Variants in ZBTB40 observed in about 807,000 individuals in gnomAD.
ZBTB40 encodes the protein zinc finger and BTB domain containing 40.
In ZBTB40, 60 loss-of-function variants were observed where a neutral mutation model predicts 117.5. The ratio of observed to expected loss-of-function variants is 0.51; its 90% CI spans 0.41 to 0.63. The LOEUF (loss-of-function observed/expected upper bound fraction) is 0.63. ZBTB40 is among the 30% of genes least tolerant of loss of function. The probability of loss-of-function intolerance (pLI) is 0.00; values close to 1 mark genes in which losing one functional copy is unlikely to be tolerated. For missense variants in ZBTB40, 1,287 were observed against 1,498.5 expected (o/e 0.86, Z 2.33); for synonymous variants, 525 against 577.1 (o/e 0.91, Z 1.29).
intron 17 of ZBTB40, 33 bp downstream of exon 17, chr1:22,524,477 C>T (rs375458916): frequency 1.6e-5 from 25 of 1,603,536 alleles, no homozygotes; most frequent in Non-Finnish European, 2.0e-5. Flanking sequence ...CATTAGAATG[C>T]TAATGCATGG....
intron 1 of ZBTB40, among the ~76,000 whole-genome samples, chr1:22,430,611 A>G (rs1429869638): frequency 6.6e-6 from 1 of 150,708 alleles, no homozygotes; most frequent in Admixed American, 6.6e-5. Context: ...GGCTGGAACT[A>G]CAGGTGCATG....
intron 1 of ZBTB40, among the ~76,000 whole-genome samples, chr1:22,489,407 G>C (rs1347462415): frequency 6.6e-6 from 1 of 152,088 alleles, no homozygotes; most frequent in African/African-American, 2.4e-5. Context: ...GATGACCTCC[G>C]TCCCTTGTTA....
intron 1 of ZBTB40, among the ~76,000 whole-genome samples, chr1:22,475,454 G>C (rs1417550746): frequency 3.9e-5 from 6 of 152,174 alleles, no homozygotes; most frequent in Admixed American, 3.9e-4. Context: ...AGCCAGGTGC[G>C]GTGCCAGTTG....
intron 17 of ZBTB40, among the ~76,000 whole-genome samples, chr1:22,524,948 C>A (rs938532871): frequency 6.6e-6 from 1 of 152,200 alleles, no homozygotes; most frequent in South Asian, 2.1e-4. Flanking sequence ...CTCTTTTACT[C>A]TTCTTCCCAT....
chr1:22,460,177 C>T (rs1194252660), intron 1 of ZBTB40, among the ~76,000 whole-genome samples: 4 of 152,068 alleles, frequency 2.6e-5, no homozygotes, highest in African/African-American at 7.2e-5. Context: ...ACAGTTCAGT[C>T]AGAACATATT....
intron 1 of ZBTB40, among the ~76,000 whole-genome samples, chr1:22,441,473 C>CTTTTTTTTTT (rs71020419): frequency 1.8e-4 from 13 of 73,726 alleles, no homozygotes; most frequent in Non-Finnish European, 3.0e-4. Context: ...TATTTGCTTT[C>CTTTTTTTTTT]TTTTTTTTTT....
At chr1:22,430,575 G>A (rs1231694622) in intron 1 of ZBTB40, among the ~76,000 whole-genome samples, 1 of 152,054 alleles carries the variant, frequency 6.6e-6, no homozygotes, top group Non-Finnish European at 1.5e-5. Flanking sequence ...TGGCTTAGTC[G>A]ATCCTCCCAC....
chr1:22,523,011 G>A (rs557071049), intron 16 of ZBTB40, among the ~76,000 whole-genome samples: 25 of 145,446 alleles, frequency 1.7e-4, no homozygotes, highest in African/African-American at 4.6e-4. Context: ...GCAGTGGCGC[G>A]ATCTCGGCTC....
intron 11 of ZBTB40, 39 bp downstream of exon 11, chr1:22,512,173 G>T (rs1222375545): frequency 2.5e-6 from 4 of 1,609,814 alleles, no homozygotes; most frequent in Non-Finnish European, 3.4e-6. Flanking sequence ...GATGATAATT[G>T]TGGGTTTTAT....
chr1:22,512,839 G>A, intron 11 of ZBTB40, 85 bp from the exon 12 acceptor site: 1 of 1,501,938 alleles, frequency 6.7e-7, no homozygotes, highest in Non-Finnish European at 9.2e-7. Flanking sequence ...CCTGGGCTGA[G>A]ACAGTGCTCT....
At position 22,501,696 on chromosome 1, in the gene ZBTB40, T is replaced by C. The variant is rs1172765080; in HGVS notation, c.1024+12T>C. 1 of 1,612,656 alleles carries C rather than the reference T, an allele frequency of 6.2e-7. No individual in the cohort carries two copies. Among genetic ancestry groups the C allele is most frequent in the Admixed American group, 1.7e-5 (1 of 59,976 alleles). On this transcript the variant is annotated intron_variant, in intron 4 of 17. Transcript: ENST00000375647. ...AGTGCAGCCAAAAGGTAGGAGAAGATCCTATGCATTGGAATGGCAGGGTTT... is the reference window on the plus strand; with the variant it reads ...AGTGCAGCCAAAAGGTAGGAGAAGACCCTATGCATTGGAATGGCAGGGTTT...
At chr1:22,486,349 T>A (rs1375728962) in intron 1 of ZBTB40, among the ~76,000 whole-genome samples, 3 of 152,290 alleles carry the variant, frequency 2.0e-5, no homozygotes, top group Non-Finnish European at 4.4e-5. Context: ...GAGCTGGAGT[T>A]GGGTATTTGT....
At chr1:22,465,705 G>A (rs1641237958) in intron 1 of ZBTB40, among the ~76,000 whole-genome samples, 1 of 152,048 alleles carries the variant, frequency 6.6e-6, no homozygotes, top group South Asian at 2.1e-4. Flanking sequence ...GTGAGGGTGG[G>A]GCCTTCCCAG....
chr1:22,524,205 C>T lies in ZBTB40; in HGVS notation c.3299-13C>T. On this transcript the variant is annotated splice_polypyrimidine_tract_variant and intron_variant, in intron 16 of 17. Transcript: ENST00000375647. ...TACCCACAGCCCTCCCCTTCTGTCT[C>T]CCTCTCCTCCAGGGTCCCAGCCATT... The T allele has an allele frequency of 6.2e-7, 1 of 1,613,968 alleles. No individual in the cohort carries two copies. The highest frequency in any genetic ancestry group is 8.5e-7 in the Non-Finnish European group (1 of 1,179,862).
At chr1:22,519,734 G>A (rs1422518537) in intron 13 of ZBTB40, 12 of 373,124 alleles carry the variant, frequency 3.2e-5, no homozygotes, top group East Asian at 1.3e-4. Context: ...CAAACCGGAC[G>A]AGCCAGGGTG....
chr1:22,490,243 A>G lies in ZBTB40; in HGVS notation c.295A>G (p.Ser99Gly). 1 of 1,614,230 alleles carries G rather than the reference A, an allele frequency of 6.2e-7. No individual in the cohort carries two copies. Residue 99 changes from serine to glycine, a missense_variant, in exon 2 of 18, where the codon AGT becomes GGT. Ser to Gly is a moderately conservative substitution (Grantham distance 56). Coordinates refer to ENST00000375647, the MANE Select transcript of ZBTB40 (RefSeq NM_014870.4). The part of the protein sequence containing the change: ...NFSKIISLAD[S>G]LQMFDVAVSC... ...CTCCAAAATCATCTCCTTAGCAGAC[A>G]GTCTACAGATGTTTGATGTAGCTGT...
upstream of ZBTB40, among the ~76,000 whole-genome samples, chr1:22,448,120 G>T (rs765452341): frequency 1.1e-4 from 16 of 152,158 alleles, no homozygotes; most frequent in Non-Finnish European, 5.9e-5. Flanking sequence ...GTGGAGAGAA[G>T]ACAGCAAAAC....
At chr1:22,525,644 G>T (rs1639655622) in intron 17 of ZBTB40, among the ~76,000 whole-genome samples, 1 of 152,232 alleles carries the variant, frequency 6.6e-6, no homozygotes, top group Non-Finnish European at 1.5e-5. Flanking sequence ...GAGAGAAGGG[G>T]GCACTGGCCC....
chr1:22,452,308 C>G (rs1273786050), intron 1 of ZBTB40, among the ~76,000 whole-genome samples: 2 of 152,208 alleles, frequency 1.3e-5, no homozygotes, highest in African/African-American at 4.8e-5. Context: ...CTCGGCCCGT[C>G]CGGAGGCCTC....
Sources: gnomAD v4.1 joint callset for allele counts (sites outside exome capture counted in the v4.1 genomes callset) on GRCh38, gnomAD v4.1.1 for gene constraint, MANE v1.5 for transcripts, NCBI Gene and HGNC (gene_info 2026-07-23, HGNC 2026-07-21) for gene names.